Variants in GPHN observed in about 807,000 individuals in gnomAD.
GPHN encodes the protein gephyrin.
GPHN carries 17 observed loss-of-function variants against 95.5 expected under a neutral mutation model. That is an observed-to-expected ratio of 0.18 (90% confidence interval 0.12 to 0.27). The LOEUF (loss-of-function observed/expected upper bound fraction) is 0.27, where lower values mean the gene tolerates loss of function less well. Ranked by LOEUF, GPHN falls within the 10% of genes least tolerant of loss-of-function variation. The pLI, the probability that GPHN is intolerant of heterozygous loss-of-function variation, is 1.00. For missense variants in GPHN, 660 were observed against 978.1 expected, an observed-to-expected ratio of 0.67 and a Z score of 4.34; for synonymous variants, 320 against 322.5, an observed-to-expected ratio of 0.99 and a Z score of 0.08.
At chr14:67,184,774 T>G (rs2083360409), downstream of GPHN, among the ~76,000 whole-genome samples, 1 of 152,112 alleles carries the variant, frequency 6.6e-6, no homozygotes, top group Admixed American at 6.5e-5. Flanking sequence ...TGGGAACCAT[T>G]CACATAAAGG....
the GPHN span, among the ~76,000 whole-genome samples, chr14:67,189,929 C>T: frequency 6.7e-6 from 1 of 149,746 alleles, no homozygotes; most frequent in East Asian, 2.0e-4. Context: ...CAACCTCTGC[C>T]TCCTGGGTTC....
intron 18 of GPHN, among the ~76,000 whole-genome samples, chr14:67,144,302 C>G (rs1412181364): frequency 8.9e-6 from 1 of 111,740 alleles, no homozygotes; most frequent in Non-Finnish European, 1.7e-5. Context: ...CACACATACA[C>G]AAATATTTTA....
At chr14:66,562,985 T>G (rs957131088) in intron 1 of GPHN, among the ~76,000 whole-genome samples, 11 of 152,090 alleles carry the variant, frequency 7.2e-5, no homozygotes, top group African/African-American at 2.6e-4. Context: ...CTGAATTCCT[T>G]GATGTGTAAG....
chr14:66,731,285 T>G (rs1420528556), intron 2 of GPHN, among the ~76,000 whole-genome samples: 1 of 152,190 alleles, frequency 6.6e-6, no homozygotes, highest in Non-Finnish European at 1.5e-5. Context: ...ACTTTGGAAC[T>G]GGGTAACAGG....
chr14:67,101,344 G>A (rs1223148203), intron 13 of GPHN, among the ~76,000 whole-genome samples: 1 of 152,088 alleles, frequency 6.6e-6, no homozygotes, highest in East Asian at 1.9e-4. Flanking sequence ...TCTAGCCAGG[G>A]AACAGGTTTA....
the GPHN span, among the ~76,000 whole-genome samples, chr14:67,280,879 C>CCCTCCCTT: frequency 7.6e-6 from 1 of 131,806 alleles, no homozygotes; most frequent in African/African-American, 2.9e-5. Flanking sequence ...CTCCCTCCCT[C>CCCTCCCTT]CCTTTTCTTT....
At chr14:67,140,535 C>T (rs904127785) in intron 17 of GPHN, among the ~76,000 whole-genome samples, 7 of 152,228 alleles carry the variant, frequency 4.6e-5, no homozygotes, top group Non-Finnish European at 8.8e-5. Context: ...TACAATAATT[C>T]TATAGAATCA....
intron 5 of GPHN, among the ~76,000 whole-genome samples, chr14:66,895,072 G>A (rs150928855): frequency 8.5e-5 from 13 of 152,188 alleles, no homozygotes; most frequent in African/African-American, 1.4e-4. Flanking sequence ...TGTTTATTGC[G>A]GCACTATTCA....
At chr14:67,220,944 A>G in the GPHN span, among the ~76,000 whole-genome samples, 67 of 152,346 alleles carry the variant, frequency 4.4e-4, no homozygotes, top group African/African-American at 1.5e-3. Flanking sequence ...TTGTAGGATA[A>G]TAGCTAAGAT....
At chr14:67,133,980 T>C (rs1162150504) in intron 17 of GPHN, among the ~76,000 whole-genome samples, 1 of 152,246 alleles carries the variant, frequency 6.6e-6, no homozygotes, top group Non-Finnish European at 1.5e-5. Flanking sequence ...GAGTATTATC[T>C]ACAAGACAAG....
At chr14:67,276,868 G>A in the GPHN span, among the ~76,000 whole-genome samples, 1 of 152,164 alleles carries the variant, frequency 6.6e-6, no homozygotes, top group African/African-American at 2.4e-5. Context: ...TTCCCTCATA[G>A]TGTAGTGAAT....
intron 1 of GPHN, among the ~76,000 whole-genome samples, chr14:66,598,170 T>C (rs564726259): frequency 6.6e-6 from 1 of 152,280 alleles, no homozygotes; most frequent in Admixed American, 6.5e-5. Flanking sequence ...CAGAAAAATT[T>C]ATTTAAAGTG....
At chr14:66,877,496 A>C (rs2063724989) in intron 4 of GPHN, among the ~76,000 whole-genome samples, 1 of 152,222 alleles carries the variant, frequency 6.6e-6, no homozygotes, top group African/African-American at 2.4e-5. Flanking sequence ...CCATTGTCTC[A>C]GCCCAAAATC....
At chr14:67,726,585 A>G in the GPHN span, among the ~76,000 whole-genome samples, 148,457 of 152,214 alleles carry the variant, frequency 0.98, 72,487 homozygotes, top group East Asian at 1. Flanking sequence ...CGTTCAAGGC[A>G]AAGACTTTAG....
chr14:66,880,286 C>CT (rs967931208), intron 5 of GPHN, among the ~76,000 whole-genome samples: 1 of 151,678 alleles, frequency 6.6e-6, no homozygotes, highest in East Asian at 1.9e-4. Context: ...AAGTTTGCCC[C>CT]TTTTTTTTCC....
intron 2 of GPHN, among the ~76,000 whole-genome samples, chr14:66,741,632 T>G (rs2072800773): frequency 6.6e-6 from 1 of 152,172 alleles, no homozygotes; most frequent in African/African-American, 2.4e-5. Context: ...TCATATATAT[T>G]TTATCACTGT....
chr14:66,529,834 C>T (rs1482097317), intron 1 of GPHN, among the ~76,000 whole-genome samples: 1 of 152,186 alleles, frequency 6.6e-6, no homozygotes, highest in Non-Finnish European at 1.5e-5. Flanking sequence ...GTTCCTTCCT[C>T]TGGAAGCTTC....
intron 10 of GPHN, among the ~76,000 whole-genome samples, chr14:67,051,765 G>A (rs1315255928): frequency 6.6e-6 from 1 of 152,206 alleles, no homozygotes; most frequent in Non-Finnish European, 1.5e-5. Context: ...GGACCTCTCA[G>A]CAGAAACCCT....
At chr14:67,144,253 ATATATATATATAT>A (rs1567400620) in intron 18 of GPHN, among the ~76,000 whole-genome samples, 2 of 46,456 alleles carry the variant, frequency 4.3e-5, no homozygotes, top group East Asian at 5.6e-4. Flanking sequence ...AAAAAAAAAT[ATATATATATATAT>A]ATATATATAT....
Sources: gnomAD v4.1 joint callset for allele counts (sites outside exome capture counted in the v4.1 genomes callset) on GRCh38, gnomAD v4.1.1 for gene constraint, MANE v1.5 for transcripts, NCBI Gene and HGNC (gene_info 2026-07-23, HGNC 2026-07-21) for gene names.